LCLAT1: variants seen among roughly 807,000 people sequenced by gnomAD.
LCLAT1 encodes the protein 1-AGP acyltransferase 8.
A neutral mutation model predicts 30.7 loss-of-function variants in LCLAT1; 11 were observed. The ratio of observed to expected loss-of-function variants is 0.36; its 90% CI spans 0.23 to 0.59. The LOEUF (loss-of-function observed/expected upper bound fraction) is 0.59. Among genes scored for constraint, LCLAT1 ranks in the 20% least tolerant of loss-of-function variants. The probability of loss-of-function intolerance (pLI) is 0.77; values close to 1 mark genes in which losing one functional copy is unlikely to be tolerated. For synonymous variants in LCLAT1, 155 were observed against 151.3 expected, an observed-to-expected ratio of 1.02 and a Z score of -0.18; for missense variants, 402 against 458.6, an observed-to-expected ratio of 0.88 and a Z score of 1.13.
chr2:30,520,525 G>A (rs1685425234), intron 1 of LCLAT1, among the ~76,000 whole-genome samples: 1 of 152,158 alleles, frequency 6.6e-6, no homozygotes, highest in Non-Finnish European at 1.5e-5. Context: ...TTTACTAGCT[G>A]TGTAGCCTTA....
intron 1 of LCLAT1, among the ~76,000 whole-genome samples, chr2:30,501,853 T>C (rs1192717430): frequency 6.6e-6 from 1 of 152,228 alleles, no homozygotes; most frequent in Non-Finnish European, 1.5e-5. Flanking sequence ...AACTTTTATA[T>C]GTATGAAAAA....
At position 30,478,584 on chromosome 2, in the gene LCLAT1, G is replaced by A. The variant is rs189182614; in HGVS notation, c.-5+31201G>A. Among the ~76,000 whole-genome samples the A allele has an allele frequency of 6.0e-3, 911 of 152,194 alleles. 5 individuals carry two copies. Among genetic ancestry groups the A allele is most frequent in the Non-Finnish European group, 8.6e-3 (585 of 67,998 alleles). The stretch of plus-strand genomic sequence containing the variant: ...GTCCTAGTACTTAGGAGGCTGAGAC[G>A]GGAGGATCACTTGAGCCCAGGAGCA... On this transcript the variant is annotated intron_variant, in intron 1 of 5. Transcript: ENST00000379509.
At chr2:30,540,631 A>T (rs1035294842) in intron 3 of LCLAT1, among the ~76,000 whole-genome samples, 2 of 151,908 alleles carry the variant, frequency 1.3e-5, no homozygotes, top group African/African-American at 2.4e-5. Flanking sequence ...AGATATTTCA[A>T]TGTAGGTTTA....
At chr2:30,558,638 T>C (rs528760745) in intron 3 of LCLAT1, among the ~76,000 whole-genome samples, 1 of 147,764 alleles carries the variant, frequency 6.8e-6, no homozygotes, top group African/African-American at 2.5e-5. Flanking sequence ...CATTATTGTA[T>C]AGGAAATGTG....
intron 5 of LCLAT1, among the ~76,000 whole-genome samples, chr2:30,609,290 A>C (rs543847508): frequency 6.6e-6 from 1 of 152,120 alleles, no homozygotes; most frequent in East Asian, 1.9e-4. Context: ...TATGCTCTTG[A>C]AGTCTGGTTT....
intron 5 of LCLAT1, among the ~76,000 whole-genome samples, chr2:30,638,980 C>G (rs983829487): frequency 6.6e-6 from 1 of 152,198 alleles, no homozygotes; most frequent in African/African-American, 2.4e-5. Context: ...TTGGTCCTCT[C>G]CAAACCATTC....
intron 2 of LCLAT1, among the ~76,000 whole-genome samples, chr2:30,527,876 T>C (rs1685794755): frequency 6.6e-6 from 1 of 152,224 alleles, no homozygotes; most frequent in South Asian, 2.1e-4. Flanking sequence ...ACTGGTGTTT[T>C]GGAGAAAATT....
At chr2:30,521,417 G>C (rs558529727) in intron 1 of LCLAT1, among the ~76,000 whole-genome samples, 26 of 150,822 alleles carry the variant, frequency 1.7e-4, no homozygotes, top group African/African-American at 6.1e-4. Context: ...TTGGGGTCTG[G>C]ATCAGGACAG....
At chr2:30,627,479 AGC>A (rs1386564537) in intron 5 of LCLAT1, among the ~76,000 whole-genome samples, 1 of 152,204 alleles carries the variant, frequency 6.6e-6, no homozygotes, top group Non-Finnish European at 1.5e-5. Context: ...TTCGCAGGCT[AGC>A]TGCCCGTACT....
At chr2:30,496,709 A>G (rs529931553) in intron 1 of LCLAT1, among the ~76,000 whole-genome samples, 1 of 152,176 alleles carries the variant, frequency 6.6e-6, no homozygotes, top group African/African-American at 2.4e-5. Flanking sequence ...AGAGTTATAA[A>G]GATATTATGG....
intron 1 of LCLAT1, among the ~76,000 whole-genome samples, chr2:30,464,042 G>A (rs1364728679): frequency 1.3e-5 from 2 of 152,174 alleles, no homozygotes; most frequent in Non-Finnish European, 2.9e-5. Context: ...TGCTGAATTT[G>A]CCTTTTAAAA....
chr2:30,528,551 A>G (rs1010948805), intron 2 of LCLAT1, among the ~76,000 whole-genome samples: 5 of 152,174 alleles, frequency 3.3e-5, no homozygotes, highest in Admixed American at 6.5e-5. Context: ...ATACAAACCA[A>G]TCACTTTGTC....
In LCLAT1 at chr2:30,487,842, G is replaced by A. The variant is rs574982037; in HGVS notation, c.-4-37745G>A. Among the ~76,000 whole-genome samples, 13 of 152,314 alleles carry A rather than the reference G, an allele frequency of 8.5e-5. 1 individual carries two copies. The South Asian group carries it at 1.5e-3, about 17-fold the overall frequency. On this transcript the variant is annotated intron_variant, in intron 1 of 5. Transcript: ENST00000379509. Reference sequence around the variant, plus strand: ...TGTTATAATTTAAGTTGTACAGTCAGCACAGTCCTGTCTGAGAGAGTGACT... The same window carrying A: ...TGTTATAATTTAAGTTGTACAGTCAACACAGTCCTGTCTGAGAGAGTGACT...
At chr2:30,490,233 C>G (rs1005745479) in intron 1 of LCLAT1, among the ~76,000 whole-genome samples, 10 of 139,342 alleles carry the variant, frequency 7.2e-5, no homozygotes, top group Non-Finnish European at 1.4e-4. Flanking sequence ...GACAGAGTCT[C>G]ACTCTGTTGC....
chr2:30,620,613 C>T (rs561430128), intron 5 of LCLAT1, among the ~76,000 whole-genome samples: 1 of 152,076 alleles, frequency 6.6e-6, no homozygotes, highest in Non-Finnish European at 1.5e-5. Flanking sequence ...CAAAATATGC[C>T]ACTTTATAAT....
intron 1 of LCLAT1, among the ~76,000 whole-genome samples, chr2:30,510,568 C>T (rs771266529): frequency 3.9e-5 from 6 of 152,186 alleles, no homozygotes; most frequent in Non-Finnish European, 7.4e-5. Context: ...CATCTGTTTT[C>T]ATCCATTATC....
intron 1 of LCLAT1, among the ~76,000 whole-genome samples, chr2:30,501,940 T>G (rs1684416993): frequency 6.6e-6 from 1 of 152,256 alleles, no homozygotes; most frequent in African/African-American, 2.4e-5. Flanking sequence ...CAGTGATATG[T>G]ATATCAGTGA....
chr2:30,566,245 A>G (rs1323781285), intron 4 of LCLAT1, among the ~76,000 whole-genome samples: 1 of 152,196 alleles, frequency 6.6e-6, no homozygotes, highest in African/African-American at 2.4e-5. Flanking sequence ...ATTCTACAAC[A>G]GTTCAGTTTT....
At chr2:30,533,374 G>C (rs115467799) in intron 3 of LCLAT1, 60 bp downstream of exon 3, 1 of 1,379,392 alleles carries the variant, frequency 7.2e-7, no homozygotes, top group Non-Finnish European at 1.0e-6. Context: ...TGCACCCACT[G>C]TAAAACTGAC....
Sources: gnomAD v4.1 joint callset for allele counts (sites outside exome capture counted in the v4.1 genomes callset) on GRCh38, gnomAD v4.1.1 for gene constraint, MANE v1.5 for transcripts, NCBI Gene and HGNC (gene_info 2026-07-23, HGNC 2026-07-21) for gene names.